The following GNA14 variants were observed in gnomAD, a reference collection of about 807,000 sequenced individuals.
GNA14 encodes G protein subunit alpha 14, also known as guanine nucleotide-binding protein subunit alpha-14.
Under a neutral mutation model 42.0 loss-of-function variants are expected in GNA14, and 50 were observed. The observed-to-expected ratio is 1.19, with a 90% CI of 0.95 to 1.51. The LOEUF is 1.51. Ranked by LOEUF, GNA14 falls within the 40% of genes most tolerant of loss-of-function variation. The pLI, the probability that GNA14 is intolerant of heterozygous loss-of-function variation, is 0.00. For synonymous variants in GNA14, 173 were observed against 163.1 expected, an observed-to-expected ratio of 1.06 and a Z score of -0.46; for missense variants, 473 against 446.2, an observed-to-expected ratio of 1.06 and a Z score of -0.54.
chr9:77,635,570 AAG>A (rs1307990615), intron 1 of GNA14, among the ~76,000 whole-genome samples: 1 of 152,194 alleles, frequency 6.6e-6, no homozygotes, highest in Non-Finnish European at 1.5e-5. Context: ...GTAAGGAAAA[AAG>A]AGAGAAAAGT....
chr9:77,595,456 A>G (rs890800797), intron 1 of GNA14, among the ~76,000 whole-genome samples: 1 of 151,958 alleles, frequency 6.6e-6, no homozygotes, highest in Non-Finnish European at 1.5e-5. Flanking sequence ...AGTGCAACAT[A>G]CACACACCTC....
At chr9:77,451,018 CTCTATAAATTACCCAG>C (rs1344150415) in intron 2 of GNA14, among the ~76,000 whole-genome samples, 1 of 152,158 alleles carries the variant, frequency 6.6e-6, no homozygotes, top group Non-Finnish European at 1.5e-5. Flanking sequence ...AACCTCTCTC[CTCTATAAATTACCCAG>C]TCTTGGGTTT....
intron 2 of GNA14, among the ~76,000 whole-genome samples, chr9:77,496,020 A>G (rs1267174754): frequency 6.6e-6 from 1 of 152,142 alleles, no homozygotes; most frequent in Non-Finnish European, 1.5e-5. Flanking sequence ...ATCCCAAGAG[A>G]AGCAGGAGTG....
intron 1 of GNA14, among the ~76,000 whole-genome samples, chr9:77,570,653 G>C (rs1587833791): frequency 6.6e-6 from 1 of 152,048 alleles, no homozygotes; most frequent in Non-Finnish European, 1.5e-5. Flanking sequence ...ATAGACATTT[G>C]GGTTGTTTCC....
At chr9:77,496,991 C>T (rs1562049) in intron 2 of GNA14, among the ~76,000 whole-genome samples, 89,345 of 151,990 alleles carry the variant, frequency 0.59, 27,342 homozygotes, top group East Asian at 0.83. Context: ...CACCCTCCAT[C>T]TCGTATTCCT....
chr9:77,501,922 G>C (rs569179611), intron 2 of GNA14, among the ~76,000 whole-genome samples: 1 of 152,018 alleles, frequency 6.6e-6, no homozygotes, highest in South Asian at 2.1e-4. Context: ...TGTTGGCCAG[G>C]ATGGTCGATC....
At chr9:77,604,599 A>G (rs1450465748) in intron 1 of GNA14, among the ~76,000 whole-genome samples, 2 of 152,182 alleles carry the variant, frequency 1.3e-5, no homozygotes, top group South Asian at 2.1e-4. Context: ...GCACCTGGTA[A>G]TCCTGACCAT....
intron 1 of GNA14, among the ~76,000 whole-genome samples, chr9:77,542,466 G>C (rs1031692572): frequency 8.5e-5 from 13 of 152,170 alleles, no homozygotes; most frequent in Non-Finnish European, 1.5e-4. Context: ...CACAGTATAT[G>C]TTGGCTCTGG....
At chr9:77,495,128 G>C (rs1206340378) in intron 2 of GNA14, among the ~76,000 whole-genome samples, 1 of 152,076 alleles carries the variant, frequency 6.6e-6, no homozygotes, top group Non-Finnish European at 1.5e-5. Context: ...GGAAACTCTT[G>C]CATCATTTCA....
chr9:77,564,296 T>TAAA (rs71358612), intron 1 of GNA14, among the ~76,000 whole-genome samples: 5,202 of 134,674 alleles, frequency 0.039, 138 homozygotes, highest in Middle Eastern at 0.077. Flanking sequence ...CAGCACAATT[T>TAAA]AAAAAAAAAA....
Position 77,434,386 on chromosome 9 carries a change from A to G in GNA14, c.446T>C (p.Leu149Pro). The G allele has an allele frequency of 6.2e-7, 1 of 1,614,044 alleles. No homozygotes were observed. Among genetic ancestry groups the G allele is most frequent in the Non-Finnish European group, 8.5e-7 (1 of 1,179,998 alleles). ...TACTCACTATTTGGCAGAGTCCGAC[A>G]GCTGGTACTCCCTCCTCCTGTCGTA... is the stretch of plus-strand genomic sequence containing the variant. ...ECYDRRREYQ[L>P]SDSAKYYLTD... The change falls in exon 3 of 7, where the codon CTG becomes CCG. Residue 149 changes from leucine to proline, a missense_variant. Leu to Pro is a moderately conservative substitution (Grantham distance 98). Coordinates refer to ENST00000341700, the MANE Select transcript of GNA14 (RefSeq NM_004297.4).
chr9:77,523,761 T>C (rs904616508), intron 2 of GNA14, among the ~76,000 whole-genome samples: 3 of 152,172 alleles, frequency 2.0e-5, no homozygotes, highest in Non-Finnish European at 4.4e-5. Flanking sequence ...CTGTAGGCCT[T>C]CTTTTTTTCT....
chr9:77,534,375 G>T (rs1331929352), intron 1 of GNA14, among the ~76,000 whole-genome samples: 1 of 152,198 alleles, frequency 6.6e-6, no homozygotes, highest in Non-Finnish European at 1.5e-5. Context: ...GCCTTTAGGA[G>T]CCAGGAGGAA....
Position 77,529,125 on chromosome 9 carries a change from C to G in GNA14, c.253G>C (p.Ala85Pro), listed in dbSNP as rs538991057. 1 of 1,614,206 alleles carries G rather than the reference C, an allele frequency of 6.2e-7. No individual in the cohort carries two copies. The highest frequency in any genetic ancestry group is 1.1e-5 in the South Asian group (1 of 91,086). ...AGCGTGTCCATCGCTCTGATCATGGCTTGCATGGCGGTGAATATGTTTTGG... is the reference window on the plus strand; with the variant it reads ...AGCGTGTCCATCGCTCTGATCATGGGTTGCATGGCGGTGAATATGTTTTGG... ...VYQNIFTAMQAMIRAMDTLRI... is the reference protein window; with the variant it reads ...VYQNIFTAMQPMIRAMDTLRI... Residue 85 changes from alanine to proline, a missense_variant, in exon 2 of 7, where the codon GCC (alanine) becomes CCC (proline). Ala to Pro is a conservative substitution (Grantham distance 27). Coordinates refer to ENST00000341700, the MANE Select transcript of GNA14 (RefSeq NM_004297.4).
chr9:77,562,548 T>C (rs1261522339), intron 1 of GNA14, among the ~76,000 whole-genome samples: 1 of 152,132 alleles, frequency 6.6e-6, no homozygotes, highest in African/African-American at 2.4e-5. Context: ...CAGTAATCTA[T>C]GTGGTAAAGA....
chr9:77,584,123 C>G (rs947606478), intron 1 of GNA14, among the ~76,000 whole-genome samples: 21 of 152,162 alleles, frequency 1.4e-4, no homozygotes, highest in African/African-American at 5.1e-4. Flanking sequence ...CAGCAGTGGA[C>G]TCACTTGTTC....
chr9:77,630,193 T>C (rs866202129), intron 1 of GNA14, among the ~76,000 whole-genome samples: 6 of 151,830 alleles, frequency 4.0e-5, no homozygotes, highest in South Asian at 2.1e-4. Context: ...TCGAGGCTCA[T>C]TGCAGCTTCA....
intron 1 of GNA14, among the ~76,000 whole-genome samples, chr9:77,636,966 A>T (rs1824192761): frequency 6.6e-6 from 1 of 152,228 alleles, no homozygotes; most frequent in African/African-American, 2.4e-5. Flanking sequence ...TAGAAGCATA[A>T]CTACCTAATG....
intron 5 of GNA14, among the ~76,000 whole-genome samples, chr9:77,426,578 A>G (rs1835457646): frequency 6.6e-6 from 1 of 152,220 alleles, no homozygotes; most frequent in African/African-American, 2.4e-5. Context: ...TGCTGGGATT[A>G]CAGGCATGAG....
Sources: gnomAD v4.1 joint callset for allele counts (sites outside exome capture counted in the v4.1 genomes callset) on GRCh38, gnomAD v4.1.1 for gene constraint, MANE v1.5 for transcripts, NCBI Gene and HGNC (gene_info 2026-07-23, HGNC 2026-07-21) for gene names.